PGBD2: variants seen among roughly 807,000 people sequenced by gnomAD.
PGBD2 encodes piggyBac transposable element-derived protein 2.
Under a neutral mutation model 8.1 loss-of-function variants are expected in PGBD2, and 6 were observed. That is an observed-to-expected ratio of 0.74 (90% confidence interval 0.40 to 1.46). The LOEUF (loss-of-function observed/expected upper bound fraction) is 1.46, where lower values mean the gene tolerates loss of function less well. Among genes scored for constraint, PGBD2 ranks in the 40% most tolerant of loss-of-function variants. PGBD2 has a pLI of 0.02. For synonymous variants in PGBD2, 318 were observed against 272.2 expected (o/e 1.17, Z -1.66); for missense variants, 802 against 739.0 (o/e 1.09, Z -0.99).
intron 1 of PGBD2, among the ~76,000 whole-genome samples, chr1:248,910,978 T>C (rs999102654): frequency 1.3e-5 from 2 of 152,074 alleles, no homozygotes; most frequent in Non-Finnish European, 2.9e-5. Flanking sequence ...CCTGAACATA[T>C]CCATCATCTC....
chr1:248,923,634 C>A (rs1662329774), downstream of PGBD2, among the ~76,000 whole-genome samples: 1 of 152,242 alleles, frequency 6.6e-6, no homozygotes, highest in South Asian at 2.1e-4. Context: ...AGTGTTCTAG[C>A]AAGTTACACA....
chr1:248,897,500 C>G, the PGBD2 span, among the ~76,000 whole-genome samples: 85 of 152,246 alleles, frequency 5.6e-4, no homozygotes, highest in East Asian at 6.6e-3. Flanking sequence ...CTTTACGGCA[C>G]TGGGGAGCAA....
chr1:248,873,741 A>T, the PGBD2 span, among the ~76,000 whole-genome samples: 1 of 152,218 alleles, frequency 6.6e-6, no homozygotes, highest in Non-Finnish European at 1.5e-5. Context: ...GGAAGCGCTG[A>T]AACGTCGCGA....
the PGBD2 span, among the ~76,000 whole-genome samples, chr1:248,885,061 A>T: frequency 3.3e-5 from 5 of 152,264 alleles, no homozygotes; most frequent in African/African-American, 1.2e-4. Flanking sequence ...TTTTTAAGTG[A>T]GACTGCAGAC....
chr1:248,905,758 G>C (rs976298317), upstream of PGBD2, among the ~76,000 whole-genome samples: 8 of 152,184 alleles, frequency 5.3e-5, no homozygotes, highest in Non-Finnish European at 1.2e-4. Context: ...AATGTCAAGA[G>C]TGGAGGTTGA....
chr1:248,906,722 G>GC (rs1420338590), intron 1 of PGBD2, among the ~76,000 whole-genome samples: 2 of 151,428 alleles, frequency 1.3e-5, no homozygotes, highest in Non-Finnish European at 3.0e-5. Flanking sequence ...GACTGCGAAT[G>GC]CCACGTCACA....
the PGBD2 span, among the ~76,000 whole-genome samples, chr1:248,891,112 G>GA: frequency 2.0e-5 from 3 of 152,136 alleles, no homozygotes; most frequent in South Asian, 6.2e-4. Flanking sequence ...TTACATAACT[G>GA]AAAAAAAGTT....
At chr1:248,912,316 C>T (rs549557542) in intron 1 of PGBD2, among the ~76,000 whole-genome samples, 68 of 152,296 alleles carry the variant, frequency 4.5e-4, no homozygotes, top group African/African-American at 1.4e-3. Flanking sequence ...ATTATTCAAG[C>T]GTGACTGTCT....
At chr1:248,921,322 G>T (rs957264725), downstream of PGBD2, among the ~76,000 whole-genome samples, 5 of 152,274 alleles carry the variant, frequency 3.3e-5, no homozygotes, top group African/African-American at 9.6e-5. Flanking sequence ...TTTGTATAAG[G>T]TGTAAGGAAG....
At chr1:248,915,525 G>A (rs549718971) in intron 2 of PGBD2, among the ~76,000 whole-genome samples, 29 of 152,330 alleles carry the variant, frequency 1.9e-4, no homozygotes, top group Non-Finnish European at 3.8e-4. Context: ...GCTACACTAC[G>A]ATGTTTGGTA....
At chr1:248,898,608 G>A in the PGBD2 span, among the ~76,000 whole-genome samples, 1 of 152,190 alleles carries the variant, frequency 6.6e-6, no homozygotes, top group African/African-American at 2.4e-5. Flanking sequence ...CCTGAAGGAA[G>A]CACTAAATAT....
the PGBD2 span, among the ~76,000 whole-genome samples, chr1:248,926,055 T>C: frequency 6.6e-6 from 1 of 151,812 alleles, no homozygotes; most frequent in Admixed American, 6.6e-5. Context: ...CCCAGCCGCC[T>C]CTCCAGCAGA....
At chr1:248,908,650 AC>A (rs1661749298) in intron 1 of PGBD2, among the ~76,000 whole-genome samples, 1 of 150,466 alleles carries the variant, frequency 6.6e-6, no homozygotes. Flanking sequence ...AAGCTTGTTA[AC>A]ATACACCCTT....
At chr1:248,914,541 C>T (rs1187604188) in intron 2 of PGBD2, 2 of 1,289,296 alleles carry the variant, frequency 1.6e-6, no homozygotes, top group South Asian at 1.2e-5. Context: ...GCAGCCTGAA[C>T]TCCAAAGTCC....
At chr1:248,902,747 A>T (rs145033216), upstream of PGBD2, among the ~76,000 whole-genome samples, 291 of 152,258 alleles carry the variant, frequency 1.9e-3, no homozygotes, top group African/African-American at 6.9e-3. Context: ...TAATGTAGGA[A>T]CAGAAAACCC....
upstream of PGBD2, among the ~76,000 whole-genome samples, chr1:248,904,599 C>A (rs1351638623): frequency 6.6e-6 from 1 of 152,332 alleles, no homozygotes; most frequent in South Asian, 2.1e-4. Context: ...ATTTCTTTGA[C>A]TTTCTTTTGT....
the PGBD2 span, among the ~76,000 whole-genome samples, chr1:248,929,621 G>A: frequency 1.3e-5 from 2 of 152,158 alleles, no homozygotes; most frequent in Non-Finnish European, 2.9e-5. Flanking sequence ...GAGCCACGTG[G>A]CTGCTGAGCA....
the PGBD2 span, among the ~76,000 whole-genome samples, chr1:248,876,004 T>G: frequency 1.3e-4 from 20 of 152,160 alleles, no homozygotes; most frequent in Non-Finnish European, 2.1e-4. Flanking sequence ...CTGTTCTTTT[T>G]TTTTTTTTTT....
chr1:248,893,321 C>T, the PGBD2 span, among the ~76,000 whole-genome samples: 2 of 152,198 alleles, frequency 1.3e-5, no homozygotes, highest in Non-Finnish European at 2.9e-5. Context: ...AGCAGTTCTT[C>T]AGAACTTATG....
Sources: allele counts gnomAD v4.1 joint callset (sites outside exome capture counted in the v4.1 genomes callset), GRCh38; gene constraint gnomAD v4.1.1; transcripts MANE v1.5; gene names NCBI Gene and HGNC (gene_info 2026-07-23, HGNC 2026-07-21).